The following INPP4B variants were observed in gnomAD, a reference collection of about 807,000 sequenced individuals.
INPP4B encodes inositol polyphosphate 4-phosphatase type II.
INPP4B carries 55 observed loss-of-function variants against 122.5 expected under a neutral mutation model. The observed-to-expected ratio is 0.45, with a 90% CI of 0.36 to 0.56. The LOEUF (loss-of-function observed/expected upper bound fraction) is 0.56, where lower values mean the gene tolerates loss of function less well. INPP4B is among the 20% of genes least tolerant of loss of function. INPP4B has a pLI of 0.00. For missense variants in INPP4B, 1,000 were observed against 1,097.7 expected, an observed-to-expected ratio of 0.91 and a Z score of 1.26; for synonymous variants, 403 against 388.7, an observed-to-expected ratio of 1.04 and a Z score of -0.43.
intron 1 of INPP4B, among the ~76,000 whole-genome samples, chr4:142,835,898 G>A (rs1332569336): frequency 6.6e-6 from 1 of 152,152 alleles, no homozygotes; most frequent in Non-Finnish European, 1.5e-5. Flanking sequence ...AGGACCATGA[G>A]ACACCATTAG....
In INPP4B at chr4:142,725,902, C is replaced by T; in HGVS notation, c.-253-1G>A. On this transcript the variant is annotated splice_acceptor_variant, in intron 1 of 25. Transcript: ENST00000262992. LOFTEE classifies it low-confidence loss of function (5UTR_SPLICE). Reference sequence around the variant, plus strand: ...CCAGGTAACACCATTTCTTTGTATTCTACGGGAAAAGAGAAAGAAGATTAA... The same window carrying T: ...CCAGGTAACACCATTTCTTTGTATTTTACGGGAAAAGAGAAAGAAGATTAA... 1 of 397,924 alleles carries T rather than the reference C, an allele frequency of 2.5e-6. No homozygotes were observed. The allele number at this position is 397,924 out of a possible 1,614,324, so 24.6% of individuals were successfully genotyped here.
intron 7 of INPP4B, among the ~76,000 whole-genome samples, chr4:142,390,474 A>G (rs954975141): frequency 6.6e-6 from 1 of 152,190 alleles, no homozygotes; most frequent in Non-Finnish European, 1.5e-5. Context: ...AACCTTTAAC[A>G]TATTTGATAG....
intron 15 of INPP4B, among the ~76,000 whole-genome samples, chr4:142,190,403 G>A (rs1835261342): frequency 1.3e-5 from 2 of 152,174 alleles, no homozygotes; most frequent in Non-Finnish European, 1.5e-5. Flanking sequence ...GAAAAAGCCT[G>A]CAGAAAAAGT....
At chr4:142,308,738 A>G (rs1386002449) in intron 8 of INPP4B, among the ~76,000 whole-genome samples, 1 of 151,654 alleles carries the variant, frequency 6.6e-6, no homozygotes, top group African/African-American at 2.4e-5. Context: ...TAATTTTTTA[A>G]TATTTTAAAT....
intron 3 of INPP4B, among the ~76,000 whole-genome samples, chr4:142,442,266 G>T (rs1223376251): frequency 6.6e-6 from 1 of 151,872 alleles, no homozygotes. Context: ...ACAGAAATTA[G>T]CTGGACGTGG....
At chr4:142,243,083 C>G (rs541536456) in intron 11 of INPP4B, among the ~76,000 whole-genome samples, 1 of 152,114 alleles carries the variant, frequency 6.6e-6, no homozygotes, top group Non-Finnish European at 1.5e-5. Context: ...AAATGCAAGA[C>G]GGAAGAGCAT....
chr4:142,213,576 T>A (rs950189907), intron 12 of INPP4B, among the ~76,000 whole-genome samples: 2 of 152,282 alleles, frequency 1.3e-5, no homozygotes, highest in African/African-American at 4.8e-5. Context: ...CTCTGCAGTA[T>A]TTTATGTCTG....
At chr4:142,280,094 T>C (rs1441985181) in intron 9 of INPP4B, among the ~76,000 whole-genome samples, 1 of 151,890 alleles carries the variant, frequency 6.6e-6, no homozygotes, top group African/African-American at 2.4e-5. Flanking sequence ...GGATGAAGAC[T>C]GACTGAAACT....
intron 1 of INPP4B, among the ~76,000 whole-genome samples, chr4:142,787,317 G>T (rs185828028): frequency 1.1e-4 from 17 of 152,166 alleles, no homozygotes; most frequent in African/African-American, 3.9e-4. Flanking sequence ...CTCATGAATG[G>T]ATTAATACCA....
At chr4:142,524,340 A>T (rs1826539285) in intron 2 of INPP4B, among the ~76,000 whole-genome samples, 1 of 152,070 alleles carries the variant, frequency 6.6e-6, no homozygotes, top group East Asian at 1.9e-4. Context: ...TTTTTTAATG[A>T]TTGCCATTCT....
chr4:142,522,013 G>C (rs866379334), intron 2 of INPP4B, among the ~76,000 whole-genome samples: 17 of 152,190 alleles, frequency 1.1e-4, no homozygotes, highest in South Asian at 6.2e-4. Flanking sequence ...CAGTGGATTA[G>C]AATCTTGCCC....
rs1261104020 is a variant in INPP4B, at chr4:142,277,483, A to G, written c.504-6709T>C. 3.9e-5 allele frequency among the ~76,000 whole-genome samples: 6 copies of G among 151,950 alleles called. No homozygotes were observed. The South Asian group carries it at 6.2e-4, about 16-fold the overall frequency. ...AACCACTATGGAAAACAGTGTAGAA[A>G]GAACTAAAAGTAGATCTACCATTTG... On this transcript the variant is annotated intron_variant, in intron 9 of 25. Transcript: ENST00000262992.
intron 12 of INPP4B, among the ~76,000 whole-genome samples, chr4:142,226,705 T>C (rs1333962303): frequency 1.3e-5 from 2 of 152,132 alleles, no homozygotes; most frequent in East Asian, 3.9e-4. Flanking sequence ...GGTTGCATTA[T>C]TATAGGAAAG....
At chr4:142,206,728 A>C (rs1320355101) in intron 14 of INPP4B, among the ~76,000 whole-genome samples, 4 of 152,026 alleles carry the variant, frequency 2.6e-5, no homozygotes, top group Non-Finnish European at 5.9e-5. Flanking sequence ...CTTATGCCAT[A>C]AGCCTATCCA....
chr4:142,603,888 C>G (rs1365388043), intron 2 of INPP4B, among the ~76,000 whole-genome samples: 1 of 134,916 alleles, frequency 7.4e-6, no homozygotes, highest in African/African-American at 2.7e-5. Flanking sequence ...TATCCTAATA[C>G]CAAAACCAGA....
intron 1 of INPP4B, among the ~76,000 whole-genome samples, chr4:142,735,831 G>A (rs1010599619): frequency 2.0e-5 from 3 of 151,216 alleles, no homozygotes; most frequent in Non-Finnish European, 4.4e-5. Flanking sequence ...TCATGCATTC[G>A]TTAGAATTTT....
At chr4:142,379,940 G>A (rs1793472211) in intron 7 of INPP4B, among the ~76,000 whole-genome samples, 1 of 152,196 alleles carries the variant, frequency 6.6e-6, no homozygotes, top group African/African-American at 2.4e-5. Context: ...CCAGGTGCTG[G>A]AGGCCTAAGC....
At chr4:142,170,424 G>A (rs576039561) in intron 16 of INPP4B, among the ~76,000 whole-genome samples, 24 of 151,638 alleles carry the variant, frequency 1.6e-4, no homozygotes, top group Non-Finnish European at 2.2e-4. Flanking sequence ...ATTTGTTTCC[G>A]TAGTCCTATG....
intron 7 of INPP4B, among the ~76,000 whole-genome samples, chr4:142,345,319 T>C (rs1437544737): frequency 2.0e-5 from 3 of 152,056 alleles, no homozygotes; most frequent in Non-Finnish European, 2.9e-5. Flanking sequence ...GAAGGCTTTT[T>C]TTTATGAAAA....
Sources: gnomAD v4.1 joint callset for allele counts (sites outside exome capture counted in the v4.1 genomes callset) on GRCh38, gnomAD v4.1.1 for gene constraint, MANE v1.5 for transcripts, NCBI Gene and HGNC (gene_info 2026-07-23, HGNC 2026-07-21) for gene names.